COL1A1: variants seen among roughly 807,000 people sequenced by gnomAD.
The protein encoded by COL1A1 is collagen alpha-1(I) chain.
COL1A1 carries 21 observed loss-of-function variants against 195.7 expected under a neutral mutation model. The ratio of observed to expected loss-of-function variants is 0.11; its 90% CI spans 0.08 to 0.15. The LOEUF is 0.15. Among genes scored for constraint, COL1A1 ranks in the 10% least tolerant of loss-of-function variants. The pLI is 1.00. For synonymous variants in COL1A1, 749 were observed against 747.3 expected, an observed-to-expected ratio of 1.00 and a Z score of -0.04; for missense variants, 1,365 against 2,051.0, an observed-to-expected ratio of 0.67 and a Z score of 6.46.
rs759946715 is a variant in COL1A1 at position 50,194,658 on chromosome 17, C to A, written c.1462-32G>T. 13 of 1,557,392 alleles carry A rather than the reference C, an allele frequency of 8.3e-6. No individual in the cohort carries two copies. Among genetic ancestry groups the A allele is most frequent in the African/African-American group, 1.4e-5 (1 of 73,358 alleles). ...GAGGAGAGGAGGCCAGTGAACTCCGCGACACACAGGCACCAGCCAGGCAAT... is the reference window on the plus strand; with the variant it reads ...GAGGAGAGGAGGCCAGTGAACTCCGAGACACACAGGCACCAGCCAGGCAAT... On this transcript the variant is annotated intron_variant, in intron 21 of 50. Coordinates refer to ENST00000225964, the MANE Select transcript of COL1A1 (RefSeq NM_000088.4). This position sits in a 1 kb window ranked among gnomAD's most constrained non-coding sequence, Gnocchi z 6.8.
Position 50,194,815 on chromosome 17 carries a change from A to G in COL1A1, c.1367T>C (p.Val456Ala). Residue 456 changes from valine (V) to alanine (A), a missense_variant, in exon 21 of 51, where the codon GTT becomes GCT. This residue lies in a region of COL1A1 where 671 missense variants were observed against 1,099.9 expected (regional missense o/e 0.61). Coordinates refer to ENST00000225964, the MANE Select transcript of COL1A1 (RefSeq NM_000088.4). The surrounding 1 kb of genome is among the most constrained non-coding windows in gnomAD (Gnocchi z 6.8). ...TCCAGCAGGGCCAGGGGGTCCTTGA[A>G]CACCAACAGGGCCCTGGAGAGGGCC... ...GAKGEPGPVGVQGPPGPAGEE... is the reference protein window; with the variant it reads ...GAKGEPGPVGAQGPPGPAGEE... 1 of 1,569,168 alleles carries G rather than the reference A, an allele frequency of 6.4e-7. No individual in the cohort carries two copies. The highest frequency in any genetic ancestry group is 8.6e-7 in the Non-Finnish European group (1 of 1,156,542).
rs1302623641 is a variant in COL1A1, at chr17:50,184,974, C to A, written c.*528G>T. 3 of 231,068 alleles carry A rather than the reference C, an allele frequency of 1.3e-5. No homozygotes were observed. Among genetic ancestry groups the A allele is most frequent in the African/African-American group, 6.7e-5 (3 of 45,066 alleles). The allele number at this position is 231,068 out of a possible 1,614,324, so 14.3% of individuals were successfully genotyped here. The stretch of plus-strand genomic sequence containing the variant: ...TCTGAGAACCCCAGGTCCCCCAGGG[C>A]CTGGGGGTGCTGGGCGGGCAGGAGC... On this transcript the variant is annotated 3_prime_UTR_variant, in exon 51 of 51. Coordinates refer to ENST00000225964, the MANE Select transcript of COL1A1 (RefSeq NM_000088.4).
At position 50,188,766 on chromosome 17, in the gene COL1A1, T is replaced by C; in HGVS notation, c.3075A>G (p.Gly1025=). ...EGAPGAEGSP[G]RDGSPGAKGD... ...CCTTGGCGCCAGGAGAACCGTCTCG[T>C]CCAGGGGAACCTTCGGCACCAGGAG... The change falls in exon 42 of 51, where the codon GGA becomes GGG. Residue 1025 remains glycine, a synonymous_variant. Transcript: ENST00000225964. This position sits in a 1 kb window ranked among gnomAD's most constrained non-coding sequence, Gnocchi z 5.6. 1 of 1,613,756 alleles carries C rather than the reference T, an allele frequency of 6.2e-7. No individual in the cohort carries two copies. The highest frequency in any genetic ancestry group is 8.5e-7 in the Non-Finnish European group (1 of 1,179,914).
In COL1A1 at chr17:50,188,185, G is replaced by C. The variant is rs41316703; in HGVS notation, c.3208-36C>G. The C allele has an allele frequency of 1.0e-3, 1,536 of 1,527,462 alleles. 17 individuals are homozygous for C. The African/African-American group carries it at 0.018, about 18-fold the overall frequency. 94.6% of individuals were successfully genotyped at this position (1,527,462 alleles called of 1,614,324 possible). A position where few individuals can be genotyped will look rare whatever the true frequency, so the allele number is the denominator to read the frequency against. On this transcript the variant is annotated intron_variant, in intron 43 of 50. Transcript: ENST00000225964. The surrounding 1 kb of genome is among the most constrained non-coding windows in gnomAD (Gnocchi z 5.6). Reference sequence around the variant, plus strand: ...CAAGGAAAGCATGAGCTCTTGGCCAGGGAAGGCTGAGGCTGGGGCTGCAGG... The same window carrying C: ...CAAGGAAAGCATGAGCTCTTGGCCACGGAAGGCTGAGGCTGGGGCTGCAGG...
intron 4 of COL1A1, 40 bp from the exon 5 acceptor site, chr17:50,199,367 C>A (rs768124847): frequency 6.7e-5 from 107 of 1,607,334 alleles, no homozygotes; most frequent in Non-Finnish European, 8.2e-5. Context: ...AGCGTGGGGC[C>A]GAGAGCCATG....
chr17:50,196,514 G>T lies in COL1A1; in HGVS notation c.873C>A (p.Ser291Arg). The T allele has an allele frequency of 6.2e-7, 1 of 1,614,188 alleles. No individual in the cohort carries two copies. The highest frequency in any genetic ancestry group is 8.5e-7 in the Non-Finnish European group (1 of 1,180,042). ...GACCAGGAGCTCCATTTTCACCAGG[G>T]CTGCCAGGCTCACCCTGTAGATCAG... Reference protein sequence around the residue: ...GPAGPKGEPGSPGENGAPGQM... With the variant: ...GPAGPKGEPGRPGENGAPGQM... The change falls in exon 13 of 51, where the codon AGC becomes AGA. Residue 291 changes from serine to arginine, a missense_variant. Physicochemically the swap from Ser to Arg is moderately radical, Grantham distance 110. Coordinates refer to ENST00000225964, the MANE Select transcript of COL1A1 (RefSeq NM_000088.4).
rs370308401 is a variant in COL1A1 at position 50,192,703 on chromosome 17, G to A, written c.1876-10C>T. 5.6e-5 allele frequency: 90 copies of A among 1,614,174 alleles called. No homozygotes were observed. In the African/African-American group the frequency reaches 1.0e-3, roughly 18 times the overall value. ...TCTCGCCAGCGGGACCCTGCACAGAGAGAACACTACAGTCACGGGGAGGCC... is the reference window on the plus strand; with the variant it reads ...TCTCGCCAGCGGGACCCTGCACAGAAAGAACACTACAGTCACGGGGAGGCC... On this transcript the variant is annotated splice_polypyrimidine_tract_variant and intron_variant, in intron 27 of 50. Transcript: ENST00000225964.
At position 50,190,769 on chromosome 17, in the gene COL1A1, TGAGGAG is replaced by T; in HGVS notation, c.2343+42_2343+47del. On this transcript the variant is annotated intron_variant, in intron 33 of 50. Transcript: ENST00000225964. This position sits in a 1 kb window ranked among gnomAD's most constrained non-coding sequence, Gnocchi z 4.7. The stretch of plus-strand genomic sequence containing the variant: ...CCCACGGAACCGTGCCCAGGCCTGC[TGAGGAG>T]GCTATGTGTTAGGGCAGAAGGTGGG... 1 of 1,556,700 alleles carries T rather than the reference TGAGGAG, an allele frequency of 6.4e-7. No individual in the cohort carries two copies. Among genetic ancestry groups the T allele is most frequent in the Non-Finnish European group, 8.9e-7 (1 of 1,128,520 alleles).
Position 50,199,295 on chromosome 17 carries a change from G to A in COL1A1, c.402C>T (p.Ile134=), listed in dbSNP as rs1447238172. The change falls in exon 5 of 51, where the codon ATC becomes ATT. Residue 134 remains isoleucine (I), a synonymous_variant. Coordinates refer to ENST00000225964, the MANE Select transcript of COL1A1 (RefSeq NM_000088.4). ...GPAGPPGRDG[I]PGQPGLPGPP... Reference sequence around the variant, plus strand: ...GTCCGGGAAGTCCAGGCTGTCCAGGGATGCCATCTCGGCCAGGGGGGCCTG... The same window carrying A: ...GTCCGGGAAGTCCAGGCTGTCCAGGAATGCCATCTCGGCCAGGGGGGCCTG... The A allele has an allele frequency of 6.5e-7, 1 of 1,537,972 alleles. No individual in the cohort carries two copies. Among genetic ancestry groups the A allele is most frequent in the African/African-American group, 1.4e-5 (1 of 72,822 alleles).
Position 50,195,689 on chromosome 17 carries a change from C to T in COL1A1, c.1057-24G>A, listed in dbSNP as rs775610309. On this transcript the variant is annotated intron_variant, in intron 16 of 50. Transcript: ENST00000225964. This position sits in a 1 kb window ranked among gnomAD's most constrained non-coding sequence, Gnocchi z 4.3. The stretch of plus-strand genomic sequence containing the variant: ...CCCTGAATCAGAAGAAAGGACATAT[C>T]AGAAGCCACCCTGGGAAACCCAACC... 3 of 1,610,550 alleles carry T rather than the reference C, an allele frequency of 1.9e-6. No individual in the cohort carries two copies. The South Asian group carries it at 3.3e-5, about 18-fold the overall frequency.
At position 50,190,001 on chromosome 17, in the gene COL1A1, A is replaced by G. The variant is rs764910205; in HGVS notation, c.2559T>C (p.Ile853=). 2.5e-6 allele frequency: 4 copies of G among 1,613,180 alleles called. No individual in the cohort carries two copies. The African/African-American group carries it at 4.0e-5, about 16-fold the overall frequency. ...GGGCACAGAGGGCCAAGCCACTCACAATGGGGCCAGGGGGTCCAGCGGGTC... is the reference window on the plus strand; with the variant it reads ...GGGCACAGAGGGCCAAGCCACTCACGATGGGGCCAGGGGGTCCAGCGGGTC... ...PAGPAGPPGP[I]GNVGAPGAKG... is the part of the protein sequence containing the mutation. Residue 853 remains isoleucine, a splice_region_variant and synonymous_variant, in exon 36 of 51, where the codon ATT becomes ATC. Transcript: ENST00000225964. The surrounding 1 kb of genome is among the most constrained non-coding windows in gnomAD (Gnocchi z 4.7).
At position 50,194,714 on chromosome 17, in the gene COL1A1, C is replaced by T. The variant is rs374268357; in HGVS notation, c.1461+7G>A. On this transcript the variant is annotated splice_region_variant and intron_variant, in intron 21 of 50. Coordinates refer to ENST00000225964, the MANE Select transcript of COL1A1 (RefSeq NM_000088.4). The surrounding 1 kb of genome is among the most constrained non-coding windows in gnomAD (Gnocchi z 6.8). ...TGGAGCGGGAGGGGGCGGGCAGGGA[C>T]ACTTACACGCTCGCCAGGGGGTCCG... 9.8e-5 allele frequency: 153 copies of T among 1,564,204 alleles called. No individual in the cohort carries two copies. In the African/African-American group the frequency reaches 1.9e-3, roughly 19 times the overall value.
Position 50,185,825 on chromosome 17 carries a change from C to T in COL1A1, c.4201G>A (p.Glu1401Lys), listed in dbSNP as rs760860681. The T allele has an allele frequency of 9.3e-6, 15 of 1,614,006 alleles. No individual in the cohort carries two copies. The highest frequency in any genetic ancestry group is 2.2e-5 in the East Asian group (1 of 44,876). ...QGSNEIEIRA[E>K]GNSRFTYSVT... ...CTGTAGGTGAAGCGGCTGTTGCCCT[C>T]GGCGCGGATCTCGATCTCGTTGGAG... The change falls in exon 50 of 51, where the codon GAG becomes AAG. Residue 1401 changes from glutamate to lysine, a missense_variant. By Grantham distance (56) the Glu-to-Lys change is moderately conservative (BLOSUM62 1). Transcript: ENST00000225964.
rs759946258 is a variant in COL1A1, at chr17:50,196,141, C to G, written c.1002+14G>C. 1 of 1,613,982 alleles carries G rather than the reference C, an allele frequency of 6.2e-7. No individual in the cohort carries two copies. Among genetic ancestry groups the G allele is most frequent in the East Asian group, 2.2e-5 (1 of 44,878 alleles). ...CCCCACTCCCAGGCCCTGAGGCCTA[C>G]AGGCCACACTCACAGGGGGCCCGGC... is the stretch of plus-strand genomic sequence containing the variant. On this transcript the variant is annotated intron_variant, in intron 15 of 50. Coordinates refer to ENST00000225964, the MANE Select transcript of COL1A1 (RefSeq NM_000088.4).
chr17:50,187,770 C>T, intron 45 of COL1A1, 106 bp downstream of exon 45: 1 of 1,171,452 alleles, frequency 8.5e-7, no homozygotes, highest in Non-Finnish European at 1.2e-6. Context: ...CCAGTCCCCA[C>T]TAGGGAGGGG....
intron 6 of COL1A1, 113 bp from the exon 7 acceptor site, chr17:50,198,318 C>G: frequency 2.6e-6 from 4 of 1,545,602 alleles, no homozygotes; most frequent in Non-Finnish European, 3.6e-6. Context: ...TTTCTGGACT[C>G]TGAGGTCCCA....
intron 6 of COL1A1, 113 bp from the exon 7 acceptor site, chr17:50,198,318 C>T: frequency 6.5e-7 from 1 of 1,545,602 alleles, no homozygotes; most frequent in Non-Finnish European, 8.9e-7. Context: ...TTTCTGGACT[C>T]TGAGGTCCCA....
At position 50,185,590 on chromosome 17, in the gene COL1A1, C is replaced by T. The variant is rs149295671; in HGVS notation, c.4307G>A (p.Arg1436His). 1.4e-5 allele frequency: 22 copies of T among 1,613,450 alleles called. No homozygotes were observed. Among genetic ancestry groups the T allele is most frequent in the African/African-American group, 1.1e-4 (8 of 74,686 alleles). ...VIEYKTTKTS[R>H]LPIIDVAPLD... ...GGGGGCCACATCGATGATGGGCAGG[C>T]GGGAGGTCTTGGTGGTTTTGTATTC... The change falls in exon 51 of 51, where the codon CGC (arginine) becomes CAC (histidine). Residue 1436 changes from arginine (R) to histidine (H), a missense_variant. By Grantham distance (29) the Arg-to-His change is conservative. Transcript: ENST00000225964.
rs371697816 is a variant in COL1A1 at position 50,193,913 on chromosome 17, G to A, written c.1767+30C>T. 2.5e-6 allele frequency: 4 copies of A among 1,594,100 alleles called. No individual in the cohort carries two copies. The African/African-American group carries it at 5.4e-5, about 21-fold the overall frequency. ...CAAGTCTCAGGTGTGTTTGTCCCTG[G>A]CTCTTCATGGATCCTCACTTAATAC... is the stretch of plus-strand genomic sequence containing the variant. On this transcript the variant is annotated intron_variant, in intron 25 of 50. Transcript: ENST00000225964.
Sources: allele counts gnomAD v4.1 joint callset, GRCh38; gene constraint gnomAD v4.1.1; regional missense constraint gnomAD v4.1.1; non-coding constraint Gnocchi (gnomAD v3.1); transcripts MANE v1.5; gene names NCBI Gene and HGNC (gene_info 2026-07-23, HGNC 2026-07-21).